Variants in AKAP9 observed in about 807,000 individuals in gnomAD.
The protein encoded by AKAP9 is A-kinase anchor protein 9.
In AKAP9, 311 loss-of-function variants were observed where a neutral mutation model predicts 488.5. That is an observed-to-expected ratio of 0.64 (90% CI 0.58 to 0.70). The LOEUF is 0.70. Among genes scored for constraint, AKAP9 ranks in the 30% least tolerant of loss-of-function variants. AKAP9 has a pLI of 0.00. For missense variants in AKAP9, 4,215 were observed against 4,374.5 expected (o/e 0.96, Z 1.03); for synonymous variants, 1,462 against 1,483.5 (o/e 0.99, Z 0.33).
intron 28 of AKAP9, among the ~76,000 whole-genome samples, chr7:92,075,298 T>C (rs893275758): frequency 2.0e-5 from 3 of 152,198 alleles, no homozygotes; most frequent in Admixed American, 2.0e-4. Context: ...AAATAACTAT[T>C]TATGTGTTGA....
intron 22 of AKAP9, among the ~76,000 whole-genome samples, chr7:92,054,438 A>G (rs1282212919): frequency 1.3e-5 from 2 of 152,008 alleles, no homozygotes; most frequent in African/African-American, 4.8e-5. Context: ...AGAGAAATTC[A>G]GGAAAATAGC....
At chr7:91,967,697 T>C (rs1024674655) in intron 1 of AKAP9, among the ~76,000 whole-genome samples, 1 of 152,116 alleles carries the variant, frequency 6.6e-6, no homozygotes, top group Non-Finnish European at 1.5e-5. Flanking sequence ...TTGAATTCAG[T>C]TTGCTAGTAT....
At chr7:92,087,155 G>A (rs1460751375) in intron 37 of AKAP9, among the ~76,000 whole-genome samples, 1 of 152,180 alleles carries the variant, frequency 6.6e-6, no homozygotes, top group African/African-American at 2.4e-5. Flanking sequence ...GACCATGAAA[G>A]CAACACAACA....
At chr7:92,040,965 A>C in intron 18 of AKAP9, 67 bp downstream of exon 18, 1 of 1,308,310 alleles carries the variant, frequency 7.6e-7, no homozygotes, top group Non-Finnish European at 1.1e-6. Flanking sequence ...CTTGAACCAG[A>C]TCCCCAATTA....
intron 6 of AKAP9, among the ~76,000 whole-genome samples, chr7:91,995,372 C>T (rs543506304): frequency 2.0e-5 from 3 of 152,256 alleles, no homozygotes; most frequent in Non-Finnish European, 4.4e-5. Context: ...CACTTTTCTT[C>T]GTATATCTGC....
At chr7:92,085,909 G>A (rs752946347) in intron 36 of AKAP9, among the ~76,000 whole-genome samples, 1 of 151,984 alleles carries the variant, frequency 6.6e-6, no homozygotes, top group Non-Finnish European at 1.5e-5. Context: ...TTCAAGACCA[G>A]CCTGGCCAAC....
At chr7:92,034,504 T>A (rs1004640155) in intron 16 of AKAP9, among the ~76,000 whole-genome samples, 23,642 of 113,508 alleles carry the variant, frequency 0.21, 2,189 homozygotes, top group Non-Finnish European at 0.26. Context: ...ATATATTTTT[T>A]TTTTTTTTTT....
At chr7:92,098,471 AAG>A (rs1415606678) in intron 43 of AKAP9, among the ~76,000 whole-genome samples, 1 of 152,176 alleles carries the variant, frequency 6.6e-6, no homozygotes, top group Non-Finnish European at 1.5e-5. Context: ...AGCTTCCTGA[AAG>A]AGTGATCTGG....
chr7:92,064,729 A>G (rs1259032547), intron 24 of AKAP9, among the ~76,000 whole-genome samples: 1 of 152,212 alleles, frequency 6.6e-6, no homozygotes, highest in Non-Finnish European at 1.5e-5. Flanking sequence ...AATTTCAATT[A>G]TAGCTGTATT....
Position 92,012,535 on chromosome 7 carries a change from C to A in AKAP9, c.3425C>A (p.Ala1142Asp). Reference sequence around the variant, plus strand: ...TATATGGAAAATGAAAAAGATAAAGCTCTTTGCAGTCTTAAAGAAGAGCTT... The same window carrying A: ...TATATGGAAAATGAAAAAGATAAAGATCTTTGCAGTCTTAAAGAAGAGCTT... ...REYMENEKDK[A>D]LCSLKEELIF... Residue 1142 changes from alanine (A) to aspartate (D), a missense_variant, in exon 9 of 50, where the codon GCT (alanine) becomes GAT (aspartate). Coordinates refer to ENST00000356239, the MANE Select transcript of AKAP9 (RefSeq NM_005751.5). 2.5e-6 allele frequency: 4 copies of A among 1,613,900 alleles called. No homozygotes were observed. The highest frequency in any genetic ancestry group is 2.5e-6 in the Non-Finnish European group (3 of 1,179,868).
Position 92,001,940 on chromosome 7 carries a change from A to G in AKAP9, c.2023A>G (p.Ser675Gly), listed in dbSNP as rs1799229631. ...QQIDGLQNEM[S>G]QKIETMQFEK... Reference sequence around the variant, plus strand: ...GATAGATGGTTTACAGAATGAAATGAGTCAAAAGATAGAAACCATGCAGTT... The same window carrying G: ...GATAGATGGTTTACAGAATGAAATGGGTCAAAAGATAGAAACCATGCAGTT... Residue 675 changes from serine (S) to glycine (G), a missense_variant, in exon 8 of 50, where the codon AGT becomes GGT. By Grantham distance (56) the Ser-to-Gly change is moderately conservative. Transcript: ENST00000356239. The G allele has an allele frequency of 1.9e-6, 3 of 1,612,980 alleles. No individual in the cohort carries two copies. In the East Asian group the frequency reaches 6.7e-5, roughly 36 times the overall value.
At chr7:91,980,495 C>CTTATTTT (rs1796257748) in intron 3 of AKAP9, among the ~76,000 whole-genome samples, 162 bp downstream of exon 3, 1 of 48,756 alleles carries the variant, frequency 2.1e-5, no homozygotes, top group African/African-American at 9.3e-5. Context: ...GTATTACTGA[C>CTTATTTT]TTTTTTTTTT....
At chr7:92,005,775 C>A (rs1388862984) in intron 8 of AKAP9, among the ~76,000 whole-genome samples, 1 of 151,930 alleles carries the variant, frequency 6.6e-6, no homozygotes, top group Non-Finnish European at 1.5e-5. Flanking sequence ...AATCAATTCT[C>A]CTGCCTCAGC....
At chr7:92,042,816 G>T in intron 20 of AKAP9, 45 bp downstream of exon 20, 1 of 1,320,254 alleles carries the variant, frequency 7.6e-7, no homozygotes, top group South Asian at 1.2e-5. Context: ...AATTAAAATG[G>T]TTGTTTCAAT....
chr7:91,985,756 TC>T (rs1448571458), intron 3 of AKAP9, among the ~76,000 whole-genome samples: 2 of 152,096 alleles, frequency 1.3e-5, no homozygotes, highest in Non-Finnish European at 2.9e-5. Context: ...CACACAATTC[TC>T]CTACCTCAGC....
chr7:91,945,893 T>C (rs1188054654), intron 1 of AKAP9, among the ~76,000 whole-genome samples: 1 of 152,234 alleles, frequency 6.6e-6, no homozygotes, highest in Non-Finnish European at 1.5e-5. Context: ...CAGTTGTATA[T>C]TTAATATAAA....
intron 39 of AKAP9, among the ~76,000 whole-genome samples, chr7:92,094,225 G>A (rs1234696840): frequency 6.6e-6 from 1 of 151,784 alleles, no homozygotes; most frequent in Non-Finnish European, 1.5e-5. Flanking sequence ...ACTAGTAATT[G>A]TACTACTAGA....
intron 1 of AKAP9, among the ~76,000 whole-genome samples, chr7:91,968,877 T>C (rs1794729119): frequency 6.6e-6 from 1 of 152,144 alleles, no homozygotes. Flanking sequence ...GTTTTTTGTT[T>C]GTTTTGTTTT....
intron 20 of AKAP9, among the ~76,000 whole-genome samples, chr7:92,044,554 A>T (rs1806637292): frequency 6.6e-6 from 1 of 152,234 alleles, no homozygotes; most frequent in African/African-American, 2.4e-5. Flanking sequence ...TATGTTTCAA[A>T]ATATGTTTTT....
Sources: allele counts gnomAD v4.1 joint callset (sites outside exome capture counted in the v4.1 genomes callset), GRCh38; gene constraint gnomAD v4.1.1; transcripts MANE v1.5; gene names NCBI Gene and HGNC (gene_info 2026-07-23, HGNC 2026-07-21).